Variants in MCTP1 observed in about 807,000 individuals in gnomAD.
MCTP1 encodes the protein multiple C2 and transmembrane domain containing 1, also known as multiple C2 and transmembrane domain-containing protein 1.
Under a neutral mutation model 120.6 loss-of-function variants are expected in MCTP1, and 69 were observed. The ratio of observed to expected loss-of-function variants is 0.57; its 90% confidence interval spans 0.47 to 0.70. The LOEUF (loss-of-function observed/expected upper bound fraction) is 0.70. Among genes scored for constraint, MCTP1 ranks in the 30% least tolerant of loss-of-function variants. The pLI is 0.00. For synonymous variants in MCTP1, 529 were observed against 493.1 expected (o/e 1.07, Z -0.96); for missense variants, 1,203 against 1,248.8 (o/e 0.96, Z 0.55).
chr5:94,864,280 G>C (rs1322453886), intron 17 of MCTP1, among the ~76,000 whole-genome samples: 1 of 151,824 alleles, frequency 6.6e-6, no homozygotes, highest in Non-Finnish European at 1.5e-5. Flanking sequence ...TGGAACACAA[G>C]GTACTTTGAG....
intron 1 of MCTP1, among the ~76,000 whole-genome samples, chr5:95,154,764 A>C (rs1398668945): frequency 6.6e-6 from 1 of 152,122 alleles, no homozygotes; most frequent in Non-Finnish European, 1.5e-5. Context: ...AAATAATTTT[A>C]TAATATACCT....
chr5:94,779,066 AT>A (rs1352833992), intron 19 of MCTP1, 43 bp downstream of exon 19: 2 of 1,540,810 alleles, frequency 1.3e-6, no homozygotes, highest in Non-Finnish European at 1.8e-6. Flanking sequence ...TCATGTCTAC[AT>A]TTCCCCATCC....
chr5:95,115,344 A>T (rs1757743398), intron 1 of MCTP1, among the ~76,000 whole-genome samples: 1 of 152,176 alleles, frequency 6.6e-6, no homozygotes, highest in Admixed American at 6.5e-5. Flanking sequence ...CAGAGAATCA[A>T]AAATAGCTGT....
intron 1 of MCTP1, among the ~76,000 whole-genome samples, chr5:95,132,168 A>C (rs573336827): frequency 3.3e-5 from 5 of 152,344 alleles, no homozygotes; most frequent in African/African-American, 1.2e-4. Context: ...ACAGCAAAAA[A>C]TCTCTCATTA....
chr5:95,227,249 A>G (rs1183574921), intron 1 of MCTP1, among the ~76,000 whole-genome samples: 1 of 152,198 alleles, frequency 6.6e-6, no homozygotes, highest in Admixed American at 6.5e-5. Context: ...TCCCCCCGAA[A>G]TTAAAGCAGA....
intron 1 of MCTP1, among the ~76,000 whole-genome samples, chr5:95,037,546 G>A (rs1335874565): frequency 6.6e-6 from 1 of 152,030 alleles, no homozygotes; most frequent in African/African-American, 2.4e-5. Context: ...GTATATATTG[G>A]TCTAATAATG....
intron 1 of MCTP1, among the ~76,000 whole-genome samples, chr5:95,047,438 G>A (rs1744840987): frequency 6.6e-6 from 1 of 152,078 alleles, no homozygotes; most frequent in African/African-American, 2.4e-5. Context: ...CCCTTAATTG[G>A]TAATACATGG....
intron 17 of MCTP1, among the ~76,000 whole-genome samples, chr5:94,828,387 C>T (rs772717929): frequency 5.3e-5 from 8 of 152,184 alleles, no homozygotes; most frequent in Non-Finnish European, 1.2e-4. Flanking sequence ...AGGCGTCTGT[C>T]GACCTGTGAT....
chr5:95,089,676 G>A (rs1419003265), intron 1 of MCTP1, among the ~76,000 whole-genome samples: 1 of 152,134 alleles, frequency 6.6e-6, no homozygotes, highest in African/African-American at 2.4e-5. Context: ...TGAATCCAGA[G>A]GGTCTCTCTT....
intron 19 of MCTP1, among the ~76,000 whole-genome samples, chr5:94,760,240 C>T (rs953502328): frequency 6.6e-6 from 1 of 151,980 alleles, no homozygotes; most frequent in African/African-American, 2.4e-5. Context: ...AAGAAATTGC[C>T]AAAGTATGAA....
At chr5:94,881,118 T>G (rs1799962111) in intron 12 of MCTP1, among the ~76,000 whole-genome samples, 1 of 152,138 alleles carries the variant, frequency 6.6e-6, no homozygotes, top group African/African-American at 2.4e-5. Flanking sequence ...GTTGCATGAA[T>G]CAGATGTTCT....
intron 19 of MCTP1, among the ~76,000 whole-genome samples, chr5:94,719,302 T>A (rs1004179532): frequency 1.3e-5 from 2 of 152,184 alleles, no homozygotes; most frequent in African/African-American, 4.8e-5. Flanking sequence ...AGCATTCCCA[T>A]TACTGGGTAT....
intron 1 of MCTP1, among the ~76,000 whole-genome samples, chr5:95,274,462 T>A (rs943236886): frequency 6.6e-6 from 1 of 152,078 alleles, no homozygotes; most frequent in Non-Finnish European, 1.5e-5. Context: ...CCCCAACCCA[T>A]GTACTTAGGA....
At chr5:95,153,271 G>A (rs1395247915) in intron 1 of MCTP1, among the ~76,000 whole-genome samples, 2 of 152,154 alleles carry the variant, frequency 1.3e-5, no homozygotes, top group African/African-American at 4.8e-5. Context: ...TATATGCCTT[G>A]CTTCCCTTTC....
chr5:95,042,050 T>C (rs1182104525), intron 1 of MCTP1, among the ~76,000 whole-genome samples: 4 of 152,166 alleles, frequency 2.6e-5, no homozygotes, highest in Non-Finnish European at 5.9e-5. Context: ...TTGGATCTTG[T>C]TTTCTCAAAC....
chr5:94,940,593 T>TATATACACATATAC (rs1817432886), intron 4 of MCTP1, among the ~76,000 whole-genome samples: 1 of 144,598 alleles, frequency 6.9e-6, no homozygotes, highest in Non-Finnish European at 1.5e-5. Flanking sequence ...TATGTATATA[T>TATATACACATATAC]ATATACACAT....
At chr5:94,875,609 G>A (rs1261231400) in intron 12 of MCTP1, among the ~76,000 whole-genome samples, 1 of 152,074 alleles carries the variant, frequency 6.6e-6, no homozygotes, top group Admixed American at 6.6e-5. Context: ...AATCTAGGTG[G>A]TGGAACGTGG....
intron 1 of MCTP1, among the ~76,000 whole-genome samples, chr5:95,217,462 C>T (rs778103509): frequency 2.0e-5 from 3 of 152,234 alleles, no homozygotes; most frequent in South Asian, 2.1e-4. Flanking sequence ...TATATTTCTT[C>T]GAATAAAGAT....
At chr5:94,791,331 A>G (rs1778907896) in intron 18 of MCTP1, among the ~76,000 whole-genome samples, 1 of 151,140 alleles carries the variant, frequency 6.6e-6, no homozygotes, top group Admixed American at 6.6e-5. Context: ...ATTTCTAAAA[A>G]CAGTGTTTAA....
Sources: gnomAD v4.1 joint callset for allele counts (sites outside exome capture counted in the v4.1 genomes callset) on GRCh38, gnomAD v4.1.1 for gene constraint, MANE v1.5 for transcripts, NCBI Gene and HGNC (gene_info 2026-07-23, HGNC 2026-07-21) for gene names.